CCDC57: variants seen among roughly 807,000 people sequenced by gnomAD.
CCDC57 encodes coiled-coil domain containing 57.
CCDC57 carries 118 observed loss-of-function variants against 118.9 expected under a neutral mutation model. The ratio of observed to expected loss-of-function variants is 0.99; its 90% CI spans 0.86 to 1.16. CCDC57 has a LOEUF of 1.16. Among genes scored for constraint, CCDC57 ranks in the 50% most tolerant of loss-of-function variants. CCDC57 has a pLI of 0.00. For synonymous variants in CCDC57, 527 were observed against 532.9 expected (o/e 0.99, Z 0.15); for missense variants, 1,300 against 1,320.7 (o/e 0.98, Z 0.24).
At chr17:82,126,890 G>A in intron 19 of CCDC57, 2 of 985,420 alleles carry the variant, frequency 2.0e-6, no homozygotes, top group South Asian at 4.7e-5. Flanking sequence ...GACAGAAGCT[G>A]TAAGGTAAGA....
intron 15 of CCDC57, chr17:82,155,088 G>A (rs2145919380): frequency 1.3e-5 from 2 of 152,410 alleles, no homozygotes; most frequent in African/African-American, 4.8e-5. Flanking sequence ...GACCCGCCCA[G>A]AGGCGCGTGA....
intron 14 of CCDC57, among the ~76,000 whole-genome samples, chr17:82,162,297 T>A (rs1227028999): frequency 6.6e-6 from 1 of 152,168 alleles, no homozygotes; most frequent in African/African-American, 2.4e-5. Flanking sequence ...TGAGCCCCCA[T>A]GCCTGGCCAC....
chr17:82,124,341 G>T (rs1403539084), intron 19 of CCDC57, among the ~76,000 whole-genome samples: 1 of 152,218 alleles, frequency 6.6e-6, no homozygotes, highest in Non-Finnish European at 1.5e-5. Context: ...GTGGGGAAAG[G>T]GAAGAGAGAA....
intron 19 of CCDC57, among the ~76,000 whole-genome samples, chr17:82,103,766 G>T (rs559259437): frequency 5.6e-4 from 85 of 152,306 alleles, no homozygotes; most frequent in African/African-American, 2.0e-3. Context: ...GCCCTGCTGG[G>T]AGGACCCTGG....
exon 6 of CCDC57, chr17:82,194,065 T>C: frequency 6.2e-7 from 1 of 1,613,954 alleles, no homozygotes; most frequent in Non-Finnish European, 8.5e-7. Context: ...TGGTGGCCTC[T>C]GCCCTCTGCA....
chr17:82,114,342 G>A (rs1373072525), intron 19 of CCDC57, among the ~76,000 whole-genome samples: 1 of 152,212 alleles, frequency 6.6e-6, no homozygotes, highest in African/African-American at 2.4e-5. Context: ...CTGGCTGGGT[G>A]AGGGGGGAGG....
At chr17:82,113,658 G>T (rs1209673605) in intron 19 of CCDC57, 3 of 716,966 alleles carry the variant, frequency 4.2e-6, no homozygotes, top group Non-Finnish European at 5.2e-6. Context: ...GCCAGGCTGG[G>T]CGTGGGGCCC....
chr17:82,127,817 T>C (rs763007061), exon 19 of CCDC57: 4 of 1,612,930 alleles, frequency 2.5e-6, no homozygotes, highest in Non-Finnish European at 3.4e-6. Context: ...ACCATGCTCC[T>C]CAGGGTGCTG....
rs2050231987 is a variant in CCDC57, at chr17:82,212,395, CTCTTTTTTTTTTTT to C, written c.-211+376_-211+389del. 3.0e-5 allele frequency among the ~76,000 whole-genome samples: 4 copies of C among 134,218 alleles called. No individual in the cohort carries two copies. Among genetic ancestry groups the C allele is most frequent in the African/African-American group, 1.2e-4 (4 of 34,330 alleles). The allele number at this position is 134,218 out of a possible 152,430, so 88.1% of individuals were successfully genotyped here. ...ACCGCCTCCGGCCTTTTTTTTTCCTCTCTTTTTTTTTTTTTTTTTTTAAACTCACAGACACTGTA... is the reference window on the plus strand; with the variant it reads ...ACCGCCTCCGGCCTTTTTTTTTCCTCTTTTTTTAAACTCACAGACACTGTA... On this transcript the variant is annotated intron_variant, in intron 1 of 19. Coordinates refer to ENST00000665763, the Ensembl canonical transcript of CCDC57. This position sits in a 1 kb window ranked among gnomAD's most constrained non-coding sequence, Gnocchi z 4.1.
At chr17:82,173,219 C>G (rs2045001962) in intron 11 of CCDC57, among the ~76,000 whole-genome samples, 4 of 152,120 alleles carry the variant, frequency 2.6e-5, no homozygotes, top group Admixed American at 6.6e-5. Context: ...GGTGTGATGG[C>G]TGCACCTCCG....
chr17:82,200,609 C>A (rs1599436168), intron 3 of CCDC57, among the ~76,000 whole-genome samples: 2 of 152,022 alleles, frequency 1.3e-5, no homozygotes, highest in East Asian at 3.9e-4. Context: ...CATGGCAAAA[C>A]CCCGTCTCTA....
intron 1 of CCDC57, among the ~76,000 whole-genome samples, chr17:82,211,195 C>T (rs953173485): frequency 4.6e-5 from 7 of 152,080 alleles, no homozygotes; most frequent in African/African-American, 2.4e-5. Context: ...TCCTGTGTCT[C>T]GTAAGACGCT....
intron 15 of CCDC57, among the ~76,000 whole-genome samples, chr17:82,152,472 AC>A (rs1289418361): frequency 6.6e-6 from 1 of 152,196 alleles, no homozygotes; most frequent in Admixed American, 6.5e-5. Context: ...GCCTGGGTCA[AC>A]CCTAGATCTG....
In CCDC57 at chr17:82,108,313, C is replaced by T. The variant is rs8067646; in HGVS notation, c.2900-6447G>A. 7.0e-3 allele frequency among the ~76,000 whole-genome samples: 1,062 copies of T among 152,308 alleles called. 9 individuals are homozygous for T. Among genetic ancestry groups the T allele is most frequent in the African/African-American group, 0.025 (1,036 of 41,558 alleles). On this transcript the variant is annotated intron_variant, in intron 19 of 19. Coordinates refer to ENST00000665763, the Ensembl canonical transcript of CCDC57. ...TGACCTGTGATCCCACCCCTGAAAA[C>T]GGGCTCCTCTGTGGACAGCCGGGCT...
intron 16 of CCDC57, among the ~76,000 whole-genome samples, chr17:82,143,524 G>A (rs1040789531): frequency 6.6e-5 from 10 of 151,258 alleles, no homozygotes; most frequent in African/African-American, 9.7e-5. Flanking sequence ...CCCCACACGC[G>A]CACACACCCC....
chr17:82,171,199 AGCGCTG>A (rs2044669667), intron 13 of CCDC57, among the ~76,000 whole-genome samples: 6 of 143,056 alleles, frequency 4.2e-5, no homozygotes, highest in East Asian at 2.2e-4. Flanking sequence ...CAAAACAGGG[AGCGCTG>A]ACTGCAGTGA....
At chr17:82,145,471 C>T (rs933878285) in intron 16 of CCDC57, among the ~76,000 whole-genome samples, 7 of 151,764 alleles carry the variant, frequency 4.6e-5, no homozygotes, top group African/African-American at 1.2e-4. Context: ...CGCTGGAACC[C>T]GGGAGGCGGA....
At chr17:82,134,126 G>T (rs1341672491) in exon 17 of CCDC57, 1 of 1,400,832 alleles carries the variant, frequency 7.1e-7, no homozygotes, top group Non-Finnish European at 9.3e-7. Flanking sequence ...CGATCCAAAG[G>T]CCTCCTGGGC....
chr17:82,181,727 G>T (rs1351969574), intron 9 of CCDC57, among the ~76,000 whole-genome samples: 1 of 152,214 alleles, frequency 6.6e-6, no homozygotes, highest in Non-Finnish European at 1.5e-5. Flanking sequence ...AATGAGGAGA[G>T]AAATTAAATG....
Sources: allele counts gnomAD v4.1 joint callset (sites outside exome capture counted in the v4.1 genomes callset), GRCh38; gene constraint gnomAD v4.1.1; non-coding constraint Gnocchi (gnomAD v3.1); transcripts MANE v1.5; gene names NCBI Gene and HGNC (gene_info 2026-07-23, HGNC 2026-07-21).